ARHGAP15: variants seen among roughly 807,000 people sequenced by gnomAD.
The protein encoded by ARHGAP15 is rho GTPase-activating protein 15.
A neutral mutation model predicts 63.7 loss-of-function variants in ARHGAP15; 51 were observed. The observed-to-expected ratio is 0.80, with a 90% CI of 0.64 to 1.01. ARHGAP15 has a LOEUF of 1.01. Ranked by LOEUF, ARHGAP15 falls within the 50% of genes least tolerant of loss-of-function variation. ARHGAP15 has a pLI of 0.00. For missense variants in ARHGAP15, 560 were observed against 564.6 expected, an observed-to-expected ratio of 0.99 and a Z score of 0.08; for synonymous variants, 191 against 193.8, an observed-to-expected ratio of 0.99 and a Z score of 0.12.
At chr2:143,299,450 A>G (rs1682799688) in intron 6 of ARHGAP15, among the ~76,000 whole-genome samples, 1 of 152,104 alleles carries the variant, frequency 6.6e-6, no homozygotes, top group South Asian at 2.1e-4. Context: ...TTTATTGATG[A>G]CATCTCATTA....
intron 6 of ARHGAP15, among the ~76,000 whole-genome samples, chr2:143,371,199 C>A (rs1304886340): frequency 6.6e-6 from 1 of 152,120 alleles, no homozygotes; most frequent in Non-Finnish European, 1.5e-5. Flanking sequence ...ATGTGCAGAA[C>A]GTGCAGGTTT....
At chr2:143,174,799 A>C (rs1027378413) in intron 2 of ARHGAP15, among the ~76,000 whole-genome samples, 6 of 152,140 alleles carry the variant, frequency 3.9e-5, no homozygotes, top group African/African-American at 1.4e-4. Flanking sequence ...TTTCATATTC[A>C]CATTTCCTCC....
chr2:143,471,186 A>G (rs1037896452), intron 8 of ARHGAP15, among the ~76,000 whole-genome samples: 1 of 141,610 alleles, frequency 7.1e-6, no homozygotes, highest in African/African-American at 2.6e-5. Context: ...ATGTGTGTGT[A>G]TATATACACA....
intron 5 of ARHGAP15, among the ~76,000 whole-genome samples, chr2:143,245,498 G>A (rs1469479458): frequency 6.6e-6 from 1 of 152,162 alleles, no homozygotes; most frequent in Non-Finnish European, 1.5e-5. Flanking sequence ...AGAAGAGAAT[G>A]GAGTCTGAGC....
chr2:143,357,505 A>G (rs528310269), intron 6 of ARHGAP15, among the ~76,000 whole-genome samples: 2 of 152,320 alleles, frequency 1.3e-5, no homozygotes, highest in African/African-American at 4.8e-5. Flanking sequence ...CCTGAACCCA[A>G]AGGTTAACTT....
intron 4 of ARHGAP15, 58 bp downstream of exon 4, chr2:143,216,503 C>T (rs1692763199): frequency 3.1e-6 from 4 of 1,279,314 alleles, no homozygotes; most frequent in Non-Finnish European, 4.5e-6. Context: ...ATATGCTAAA[C>T]TTGTGCCACT....
At chr2:143,192,222 A>G (rs563566454) in intron 2 of ARHGAP15, among the ~76,000 whole-genome samples, 215 of 152,352 alleles carry the variant, frequency 1.4e-3, no homozygotes, top group Middle Eastern at 0.01. Flanking sequence ...TTCTGGAGCC[A>G]AAAGTTTTTA....
intron 13 of ARHGAP15, among the ~76,000 whole-genome samples, chr2:143,737,259 T>C (rs1400332564): frequency 6.6e-6 from 1 of 152,272 alleles, no homozygotes; most frequent in Non-Finnish European, 1.5e-5. Flanking sequence ...TCCTGCATTC[T>C]CTTCATTTAC....
chr2:143,438,809 A>AT lies in ARHGAP15; in HGVS notation c.703+1768dup, dbSNP rs576051691. On this transcript the variant is annotated intron_variant, in intron 8 of 13. Coordinates refer to ENST00000295095, the MANE Select transcript of ARHGAP15 (RefSeq NM_018460.4). ...TGGGAGTATATATTTAGTGTTAATC[A>AT]TATAGACATTCTGTAGTACATATAA... Among the ~76,000 whole-genome samples the AT allele has an allele frequency of 1.1e-4, 16 of 152,306 alleles. No homozygotes were observed. The South Asian group carries it at 3.3e-3, about 32-fold the overall frequency.
intron 11 of ARHGAP15, among the ~76,000 whole-genome samples, chr2:143,570,912 C>T (rs1356085753): frequency 6.6e-6 from 1 of 152,128 alleles, no homozygotes; most frequent in East Asian, 1.9e-4. Flanking sequence ...GGGTTTCCAG[C>T]CCCCCAGCCA....
At chr2:143,702,044 C>T (rs993125654) in intron 12 of ARHGAP15, among the ~76,000 whole-genome samples, 1 of 152,166 alleles carries the variant, frequency 6.6e-6, no homozygotes, top group Non-Finnish European at 1.5e-5. Flanking sequence ...ATCCTCTTAA[C>T]AGTGGGATTG....
chr2:143,448,241 G>T (rs945369591), intron 8 of ARHGAP15, among the ~76,000 whole-genome samples: 1 of 152,164 alleles, frequency 6.6e-6, no homozygotes, highest in Admixed American at 6.6e-5. Context: ...GGTTGGAAAT[G>T]AAGAGTGAAC....
chr2:143,171,304 C>G (rs1321246515), intron 2 of ARHGAP15, among the ~76,000 whole-genome samples: 1 of 152,060 alleles, frequency 6.6e-6, no homozygotes, highest in African/African-American at 2.4e-5. Flanking sequence ...GGCAAGCATC[C>G]CTGTGCTACA....
At position 143,481,307 on chromosome 2, in the gene ARHGAP15, T is replaced by G. The variant is rs567438437; in HGVS notation, c.704-6066T>G. 3.9e-5 allele frequency among the ~76,000 whole-genome samples: 6 copies of G among 152,242 alleles called. No individual in the cohort carries two copies. The South Asian group carries it at 1.2e-3, about 32-fold the overall frequency. On this transcript the variant is annotated intron_variant, in intron 8 of 13. Coordinates refer to ENST00000295095, the MANE Select transcript of ARHGAP15 (RefSeq NM_018460.4). ...TCACCGATAAAGTGAGAACAAGTAG[T>G]GTAGAAAGCTGTGTGTAATAGCTTT... is the stretch of plus-strand genomic sequence containing the variant.
chr2:143,407,505 ACTC>A (rs1688249657), intron 6 of ARHGAP15, among the ~76,000 whole-genome samples: 1 of 151,526 alleles, frequency 6.6e-6, no homozygotes, highest in South Asian at 2.1e-4. Flanking sequence ...ATGCTTTTTC[ACTC>A]CTCAGTGGAA....
At chr2:143,718,157 CTG>C (rs1684893134) in intron 13 of ARHGAP15, among the ~76,000 whole-genome samples, 1 of 152,022 alleles carries the variant, frequency 6.6e-6, no homozygotes, top group South Asian at 2.1e-4. Flanking sequence ...GTTCTCAAGA[CTG>C]TAATGTCTAG....
At chr2:143,287,157 T>C (rs1045510257) in intron 6 of ARHGAP15, among the ~76,000 whole-genome samples, 1 of 152,202 alleles carries the variant, frequency 6.6e-6, no homozygotes, top group African/African-American at 2.4e-5. Flanking sequence ...TATATATTCA[T>C]ATAGCTTATT....
chr2:143,140,468 A>C (rs183207343), intron 1 of ARHGAP15, among the ~76,000 whole-genome samples: 2 of 152,280 alleles, frequency 1.3e-5, no homozygotes, highest in South Asian at 4.1e-4. Flanking sequence ...AGCAAACACG[A>C]GGAGAGAAAA....
intron 12 of ARHGAP15, among the ~76,000 whole-genome samples, chr2:143,702,078 G>T (rs1290457337): frequency 6.6e-6 from 1 of 152,160 alleles, no homozygotes; most frequent in African/African-American, 2.4e-5. Context: ...GAAGAGAATG[G>T]TTATTGGGTG....
Sources: allele counts gnomAD v4.1 joint callset (sites outside exome capture counted in the v4.1 genomes callset), GRCh38; gene constraint gnomAD v4.1.1; transcripts MANE v1.5; gene names NCBI Gene and HGNC (gene_info 2026-07-23, HGNC 2026-07-21).